Variants in PCSK5 observed in about 807,000 individuals in gnomAD.
The protein encoded by PCSK5 is proprotein convertase subtilisin/kexin type 5, also known as prohormone convertase 5.
A neutral mutation model predicts 233.2 loss-of-function variants in PCSK5; 129 were observed. The observed-to-expected ratio is 0.55, with a 90% CI of 0.48 to 0.64. The LOEUF is 0.64. PCSK5 is among the 30% of genes least tolerant of loss of function. The probability of loss-of-function intolerance (pLI) is 0.00; values close to 1 mark genes in which losing one functional copy is unlikely to be tolerated. For synonymous variants in PCSK5, 825 were observed against 879.2 expected (o/e 0.94, Z 1.09); for missense variants, 2,076 against 2,430.1 (o/e 0.85, Z 3.06).
At chr9:76,088,381 A>G (rs1240622525) in intron 7 of PCSK5, among the ~76,000 whole-genome samples, 1 of 152,234 alleles carries the variant, frequency 6.6e-6, no homozygotes, top group African/African-American at 2.4e-5. Context: ...TACTCAAATC[A>G]CCAAATAAAT....
At chr9:76,184,778 A>T (rs768170771) in intron 17 of PCSK5, 21 bp downstream of exon 17, 1 of 1,406,130 alleles carries the variant, frequency 7.1e-7, no homozygotes, top group Non-Finnish European at 1.0e-6. Context: ...GAAGGATTTT[A>T]TCAAGTAACA....
chr9:76,343,341 G>GTT (rs1017585378), intron 35 of PCSK5, among the ~76,000 whole-genome samples: 5 of 134,378 alleles, frequency 3.7e-5, no homozygotes, highest in African/African-American at 1.3e-4. Flanking sequence ...ATTTGTGTGT[G>GTT]TGTGTGTGTG....
chr9:76,029,224 T>C (rs139514839), intron 5 of PCSK5, among the ~76,000 whole-genome samples: 33 of 152,278 alleles, frequency 2.2e-4, no homozygotes, highest in Admixed American at 2.0e-3. Context: ...AGTTTTAATA[T>C]AGCGTTTAAG....
At chr9:76,181,964 C>T (rs925770309) in intron 16 of PCSK5, among the ~76,000 whole-genome samples, 13 of 152,184 alleles carry the variant, frequency 8.5e-5, no homozygotes, top group African/African-American at 2.2e-4. Flanking sequence ...TGCGTGACGA[C>T]GTGCATGAAA....
At chr9:75,934,211 T>C (rs976656512) in intron 2 of PCSK5, among the ~76,000 whole-genome samples, 14 of 152,086 alleles carry the variant, frequency 9.2e-5, no homozygotes, top group Admixed American at 3.3e-4. Context: ...CTCCCCTGCC[T>C]CCTCAATAAA....
At chr9:76,071,954 T>C (rs1230713103) in intron 7 of PCSK5, 56 bp downstream of exon 7, 1 of 1,503,022 alleles carries the variant, frequency 6.7e-7, no homozygotes, top group African/African-American at 1.4e-5. Flanking sequence ...GATTCTCATA[T>C]GAAGAATCTA....
chr9:76,231,323 C>T (rs989468081), intron 21 of PCSK5, among the ~76,000 whole-genome samples: 9 of 152,120 alleles, frequency 5.9e-5, no homozygotes, highest in African/African-American at 2.2e-4. Context: ...CCCACTTGGT[C>T]CCTCCCACGA....
At chr9:76,054,850 T>C (rs1829763193) in intron 5 of PCSK5, among the ~76,000 whole-genome samples, 1 of 152,172 alleles carries the variant, frequency 6.6e-6, no homozygotes, top group Admixed American at 6.5e-5. Context: ...TGTGTGTGTA[T>C]GTGTGTGTGT....
chr9:75,930,362 A>G (rs1024616267), intron 1 of PCSK5, among the ~76,000 whole-genome samples: 1 of 152,198 alleles, frequency 6.6e-6, no homozygotes, highest in African/African-American at 2.4e-5. Context: ...ATTTGAGGTG[A>G]GGCCAGAGAG....
chr9:76,256,611 T>C (rs1002609227), intron 24 of PCSK5, among the ~76,000 whole-genome samples: 4 of 152,238 alleles, frequency 2.6e-5, no homozygotes, highest in African/African-American at 9.6e-5. Context: ...TGGAAAATCA[T>C]TGCCAAATTA....
chr9:76,009,570 T>A (rs923542729), intron 3 of PCSK5, among the ~76,000 whole-genome samples: 1 of 148,542 alleles, frequency 6.7e-6, no homozygotes, highest in African/African-American at 2.5e-5. Flanking sequence ...GAGGTTGCAG[T>A]GAGCCGAGAT....
chr9:76,351,447 G>GAAAGGAAAGAAGAAAA (rs1491332963), intron 36 of PCSK5, among the ~76,000 whole-genome samples: 2 of 27,460 alleles, frequency 7.3e-5, no homozygotes, highest in Non-Finnish European at 1.5e-4. Flanking sequence ...GTGAAAGAAA[G>GAAAGGAAAGAAGAAAA]GAAAGAAAGA....
intron 24 of PCSK5, among the ~76,000 whole-genome samples, chr9:76,262,758 A>G (rs913114819): frequency 4.0e-5 from 6 of 150,980 alleles, no homozygotes; most frequent in Admixed American, 6.6e-5. Context: ...AATGGCAACA[A>G]AAGACAAAAT....
At chr9:75,944,967 G>A (rs1002183724) in intron 2 of PCSK5, among the ~76,000 whole-genome samples, 2 of 151,808 alleles carry the variant, frequency 1.3e-5, no homozygotes, top group African/African-American at 4.8e-5. Context: ...AAATTAGCCG[G>A]GTGTAGTGGT....
At chr9:76,043,815 A>G (rs1829242291) in intron 5 of PCSK5, among the ~76,000 whole-genome samples, 1 of 152,136 alleles carries the variant, frequency 6.6e-6, no homozygotes. Flanking sequence ...CAAGCAATCC[A>G]CCGGTCTCAT....
Position 76,096,018 on chromosome 9 carries a change from C to A in PCSK5, c.1023C>A (p.Ser341Arg). 6.2e-7 allele frequency: 1 copy of A among 1,614,120 alleles called. No individual in the cohort carries two copies. The highest frequency in any genetic ancestry group is 8.5e-7 in the Non-Finnish European group (1 of 1,180,004). The change falls in exon 8 of 38, where the codon AGC becomes AGA. Residue 341 changes from serine (S) to arginine (R), a missense_variant. Ser to Arg is a moderately radical substitution (Grantham distance 110, BLOSUM62 -1). This residue lies in a region of PCSK5 where 178 missense variants were observed against 393.6 expected (regional missense o/e 0.45). Coordinates refer to ENST00000674117, the MANE Select transcript of PCSK5 (RefSeq NM_001372043.1). ...TCTCCATCAGCAGCACTGCAGAAAG[C>A]GGAAAGAAACCTTGGTACCTGGAAG... ...YTISISSTAE[S>R]GKKPWYLEEC... is the part of the protein sequence containing the mutation.
At chr9:76,187,803 T>A (rs970596712) in intron 17 of PCSK5, among the ~76,000 whole-genome samples, 2 of 152,292 alleles carry the variant, frequency 1.3e-5, no homozygotes, top group Non-Finnish European at 2.9e-5. Flanking sequence ...CATTAAATAC[T>A]ATCTCATATT....
At chr9:76,346,128 C>G (rs1192912401) in intron 35 of PCSK5, among the ~76,000 whole-genome samples, 1 of 146,038 alleles carries the variant, frequency 6.8e-6, no homozygotes, top group Non-Finnish European at 1.5e-5. Context: ...ATCCCAGCAC[C>G]ATTTATTGAC....
chr9:75,905,828 G>A (rs1044221254), intron 1 of PCSK5, among the ~76,000 whole-genome samples: 1 of 152,154 alleles, frequency 6.6e-6, no homozygotes, highest in African/African-American at 2.4e-5. Flanking sequence ...ATATGGAACA[G>A]TTTCATCCCA....
Sources: gnomAD v4.1 joint callset for allele counts (sites outside exome capture counted in the v4.1 genomes callset) on GRCh38, gnomAD v4.1.1 for gene constraint, gnomAD v4.1.1 regional missense constraint, MANE v1.5 for transcripts, NCBI Gene and HGNC (gene_info 2026-07-23, HGNC 2026-07-21) for gene names.